Variants in SP6 observed in about 807,000 individuals in gnomAD.
SP6 encodes the protein Sp6 transcription factor, also known as transcription factor Sp6.
A neutral mutation model predicts 23.4 loss-of-function variants in SP6; 10 were observed. That is an observed-to-expected ratio of 0.43 (90% CI 0.26 to 0.72). The LOEUF is 0.72. SP6 is among the 30% of genes least tolerant of loss of function. SP6 has a pLI of 0.23. For missense variants in SP6, 482 were observed against 523.8 expected (o/e 0.92, Z 0.78); for synonymous variants, 238 against 238.7 (o/e 1.00, Z 0.03).
At chr17:47,875,010 C>T in the SP6 span, among the ~76,000 whole-genome samples, 1 of 152,120 alleles carries the variant, frequency 6.6e-6, no homozygotes, top group African/African-American at 2.4e-5. Flanking sequence ...TTTCTCAGCT[C>T]CCCCTCAGCC....
At chr17:47,869,724 A>G in the SP6 span, among the ~76,000 whole-genome samples, 1 of 152,240 alleles carries the variant, frequency 6.6e-6, no homozygotes, top group African/African-American at 2.4e-5. Context: ...GGGGGGTTTA[A>G]TAACCTGAAG....
chr17:47,872,853 G>A, the SP6 span, among the ~76,000 whole-genome samples: 1 of 152,198 alleles, frequency 6.6e-6, no homozygotes, highest in Non-Finnish European at 1.5e-5. Context: ...CAGCCAGCCC[G>A]GAGCCTCCCA....
chr17:47,854,653 T>A (rs2033985236), upstream of SP6, among the ~76,000 whole-genome samples: 1 of 152,232 alleles, frequency 6.6e-6, no homozygotes. Flanking sequence ...AGTCAGACTC[T>A]ACACTTGTGA....
the SP6 span, among the ~76,000 whole-genome samples, chr17:47,861,126 AT>A: frequency 6.6e-6 from 1 of 151,996 alleles, no homozygotes; most frequent in Non-Finnish European, 1.5e-5. Context: ...CCCCTTTTTA[AT>A]TTGCTTCCTG....
chr17:47,861,304 C>T, the SP6 span, among the ~76,000 whole-genome samples: 9 of 152,198 alleles, frequency 5.9e-5, no homozygotes, highest in African/African-American at 2.2e-4. Flanking sequence ...CTGCCCTGAT[C>T]CTACCACCCA....
upstream of SP6, among the ~76,000 whole-genome samples, chr17:47,859,665 G>A (rs2034021825): frequency 1.3e-5 from 2 of 152,138 alleles, no homozygotes; most frequent in Admixed American, 6.5e-5. Flanking sequence ...CTGGGTCGGG[G>A]AACTTAAAAC....
intron 1 of SP6, among the ~76,000 whole-genome samples, chr17:47,850,071 G>C (rs1343313494): frequency 2.6e-5 from 4 of 152,222 alleles, no homozygotes; most frequent in Non-Finnish European, 4.4e-5. Flanking sequence ...TTGCAGGAAA[G>C]GAGCCCCAGG....
chr17:47,856,764 T>C (rs1027064805), upstream of SP6, among the ~76,000 whole-genome samples: 4 of 152,008 alleles, frequency 2.6e-5, no homozygotes, highest in African/African-American at 7.3e-5. Context: ...CATCCTGTTT[T>C]TGACCACAGC....
chr17:47,870,156 C>T, the SP6 span, among the ~76,000 whole-genome samples: 1 of 152,194 alleles, frequency 6.6e-6, no homozygotes, highest in African/African-American at 2.4e-5. Context: ...TCCTCAGACA[C>T]ACTAACCTAT....
At chr17:47,867,773 C>T in the SP6 span, among the ~76,000 whole-genome samples, 1 of 152,274 alleles carries the variant, frequency 6.6e-6, no homozygotes, top group Non-Finnish European at 1.5e-5. Context: ...AAAATGGGCT[C>T]TTACTGTTTT....
the SP6 span, among the ~76,000 whole-genome samples, chr17:47,868,056 G>A: frequency 6.6e-6 from 1 of 152,030 alleles, no homozygotes; most frequent in Non-Finnish European, 1.5e-5. Flanking sequence ...ATCCTCTTAG[G>A]TCATCACTTA....
chr17:47,852,322 G>T (rs1481643753), upstream of SP6, among the ~76,000 whole-genome samples: 1 of 152,098 alleles, frequency 6.6e-6, no homozygotes, highest in Non-Finnish European at 1.5e-5. Context: ...AGCACCGGTG[G>T]GTAGGGAAGT....
At position 47,847,037 on chromosome 17, in the gene SP6, A is replaced by AT; in HGVS notation, c.*261_*262insA. 1 of 487,152 alleles carries AT rather than the reference A, an allele frequency of 2.1e-6. No homozygotes were observed. Among genetic ancestry groups the AT allele is most frequent in the Non-Finnish European group, 3.6e-6 (1 of 276,302 alleles). The allele number at this position is 487,152 out of a possible 1,614,324, so 30.2% of individuals were successfully genotyped here. A position where few individuals can be genotyped will look rare whatever the true frequency, so the allele number is the denominator to read the frequency against. ...GTGTCCCACCCCAACCCCCCAGCCC[A>AT]GGGGCGAGGGAAACTGTGAGGCAGG... is the stretch of plus-strand genomic sequence containing the variant. On this transcript the variant is annotated 3_prime_UTR_variant, in exon 2 of 2. Coordinates refer to ENST00000536300, the MANE Select transcript of SP6 (RefSeq NM_001258248.2).
At chr17:47,867,995 C>T in the SP6 span, among the ~76,000 whole-genome samples, 1 of 152,148 alleles carries the variant, frequency 6.6e-6, no homozygotes, top group Non-Finnish European at 1.5e-5. Flanking sequence ...AGAGCCTCCA[C>T]CAGCATGCAC....
At chr17:47,870,446 C>A in the SP6 span, among the ~76,000 whole-genome samples, 1 of 152,038 alleles carries the variant, frequency 6.6e-6, no homozygotes, top group African/African-American at 2.4e-5. Flanking sequence ...TTCTCTCCAC[C>A]CAGGAAAAAG....
the SP6 span, among the ~76,000 whole-genome samples, chr17:47,872,523 GGGA>G: frequency 6.6e-6 from 1 of 152,208 alleles, no homozygotes; most frequent in African/African-American, 2.4e-5. Flanking sequence ...GGCGGCGATG[GGGA>G]GGAGGGTAAT....
At chr17:47,864,290 G>A in the SP6 span, among the ~76,000 whole-genome samples, 1 of 151,182 alleles carries the variant, frequency 6.6e-6, no homozygotes, top group Non-Finnish European at 1.5e-5. Context: ...TAAGAGACAA[G>A]ATTTTACTCT....
upstream of SP6, among the ~76,000 whole-genome samples, chr17:47,860,275 C>T (rs1252996879): frequency 2.6e-5 from 4 of 152,178 alleles, no homozygotes; most frequent in Non-Finnish European, 5.9e-5. Flanking sequence ...TCCTATGTCC[C>T]CATGCTCTCT....
At chr17:47,867,565 G>A in the SP6 span, among the ~76,000 whole-genome samples, 13 of 152,314 alleles carry the variant, frequency 8.5e-5, no homozygotes, top group African/African-American at 3.1e-4. Context: ...CGCCTCTTGT[G>A]CAAGGGTAGA....
Sources: allele counts gnomAD v4.1 joint callset (sites outside exome capture counted in the v4.1 genomes callset), GRCh38; gene constraint gnomAD v4.1.1; transcripts MANE v1.5; gene names NCBI Gene and HGNC (gene_info 2026-07-23, HGNC 2026-07-21).